The following QPCT variants were observed in gnomAD, a reference collection of about 807,000 sequenced individuals.
QPCT encodes glutaminyl-peptide cyclotransferase.
A neutral mutation model predicts 43.4 loss-of-function variants in QPCT; 44 were observed. The observed-to-expected ratio is 1.01, with a 90% confidence interval of 0.80 to 1.30. The LOEUF (loss-of-function observed/expected upper bound fraction) is 1.30, where lower values mean the gene tolerates loss of function less well. Ranked by LOEUF, QPCT falls within the 50% of genes most tolerant of loss-of-function variation. The pLI, the probability that QPCT is intolerant of heterozygous loss-of-function variation, is 0.00. For synonymous variants in QPCT, 168 were observed against 168.4 expected (o/e 1.00, Z 0.02); for missense variants, 526 against 436.5 (o/e 1.21, Z -1.83).
intron 2 of QPCT, among the ~76,000 whole-genome samples, chr2:37,358,317 A>T (rs112639387): frequency 5.9e-5 from 9 of 152,164 alleles, no homozygotes; most frequent in Non-Finnish European, 7.3e-5. Flanking sequence ...TGTGTCTGTT[A>T]TTCCAGCTAC....
chr2:37,353,790 A>G lies in QPCT; in HGVS notation c.267+855A>G, dbSNP rs569969963. Among the ~76,000 whole-genome samples, 4 of 152,298 alleles carry G rather than the reference A, an allele frequency of 2.6e-5. No homozygotes were observed. In the East Asian group the frequency reaches 5.8e-4, roughly 22 times the overall value. Reference sequence around the variant, plus strand: ...GACTGGCCCTTCACATCCTCTTCTGAAACTCCTCAGGCAAAAGACCTTGGC... The same window carrying G: ...GACTGGCCCTTCACATCCTCTTCTGGAACTCCTCAGGCAAAAGACCTTGGC... On this transcript the variant is annotated intron_variant, in intron 2 of 6. Transcript: ENST00000338415.
intron 3 of QPCT, 116 bp downstream of exon 3, chr2:37,359,974 C>T (rs1672829904): frequency 9.1e-7 from 1 of 1,104,626 alleles, no homozygotes; most frequent in South Asian, 1.5e-5. Context: ...ACTTTTGGTA[C>T]ATTTTTATTA....
At chr2:37,350,356 A>G (rs1220606098) in intron 1 of QPCT, among the ~76,000 whole-genome samples, 1 of 152,156 alleles carries the variant, frequency 6.6e-6, no homozygotes, top group Non-Finnish European at 1.5e-5. Flanking sequence ...CCCTTCGCAC[A>G]TTTCTATTGC....
intron 4 of QPCT, chr2:37,368,435 G>T: frequency 3.0e-6 from 1 of 337,654 alleles, no homozygotes; most frequent in South Asian, 2.2e-5. Context: ...GACTTCACTA[G>T]CCCCGGTGCC....
intron 1 of QPCT, among the ~76,000 whole-genome samples, chr2:37,349,317 G>T (rs1410954335): frequency 2.6e-5 from 4 of 152,190 alleles, no homozygotes; most frequent in Admixed American, 2.0e-4. Context: ...AATAGGCCTG[G>T]CCTGTCTGCT....
At chr2:37,351,468 G>A (rs964593452) in intron 1 of QPCT, among the ~76,000 whole-genome samples, 2 of 152,176 alleles carry the variant, frequency 1.3e-5, no homozygotes, top group African/African-American at 4.8e-5. Context: ...GAACTTTAAT[G>A]CAATTTAAAA....
intron 4 of QPCT, chr2:37,368,670 C>A: frequency 2.1e-6 from 1 of 471,160 alleles, no homozygotes; most frequent in South Asian, 1.5e-5. Flanking sequence ...GTCAGCATAT[C>A]ATTCATTCAC....
At chr2:37,368,664 G>T (rs748086938) in intron 4 of QPCT, 7 of 471,034 alleles carry the variant, frequency 1.5e-5, no homozygotes, top group Non-Finnish European at 3.1e-5. Flanking sequence ...AATGTGGTCA[G>T]CATATCATTC....
chr2:37,351,533 A>C (rs1672625894), intron 1 of QPCT, among the ~76,000 whole-genome samples: 1 of 152,258 alleles, frequency 6.6e-6, no homozygotes, highest in Non-Finnish European at 1.5e-5. Context: ...AGATTCACCA[A>C]GCTCAGGCTG....
At chr2:37,348,863 T>G (rs1027145693) in intron 1 of QPCT, among the ~76,000 whole-genome samples, 4 of 152,178 alleles carry the variant, frequency 2.6e-5, no homozygotes, top group African/African-American at 7.2e-5. Flanking sequence ...AAACCTACAA[T>G]AAATTGGGGT....
chr2:37,347,251 A>G (rs1041897775), intron 1 of QPCT, among the ~76,000 whole-genome samples: 4 of 131,682 alleles, frequency 3.0e-5, no homozygotes, highest in Non-Finnish European at 4.7e-5. Flanking sequence ...TATATAACAT[A>G]TATATATATA....
intron 2 of QPCT, among the ~76,000 whole-genome samples, chr2:37,358,438 CAACAAAACAA>C (rs143537953): frequency 6.6e-6 from 1 of 151,242 alleles, no homozygotes; most frequent in East Asian, 1.9e-4. Flanking sequence ...CCCTGTTAAA[CAACAAAACAA>C]AACAAAACAA....
At chr2:37,371,398 C>T (rs562294672) in intron 5 of QPCT, among the ~76,000 whole-genome samples, 18 of 132,482 alleles carry the variant, frequency 1.4e-4, no homozygotes, top group Non-Finnish European at 4.6e-5. Flanking sequence ...GGCGCCACTG[C>T]ACTCCAGCCT....
At chr2:37,363,652 TA>T (rs987192129) in intron 3 of QPCT, among the ~76,000 whole-genome samples, 2 of 118,980 alleles carry the variant, frequency 1.7e-5, no homozygotes, top group African/African-American at 7.3e-5. Flanking sequence ...AATACTTTTT[TA>T]AAATGTAAAA....
At chr2:37,346,856 T>C (rs564422587) in intron 1 of QPCT, among the ~76,000 whole-genome samples, 2 of 152,010 alleles carry the variant, frequency 1.3e-5, no homozygotes, top group African/African-American at 2.4e-5. Context: ...TCATATGATG[T>C]ATGTCTTTGG....
chr2:37,355,842 A>G (rs1672731720), intron 2 of QPCT, among the ~76,000 whole-genome samples: 2 of 152,108 alleles, frequency 1.3e-5, no homozygotes. Flanking sequence ...GCAAACTAGA[A>G]ACTTCAGGGG....
At chr2:37,367,688 A>G (rs965559997) in intron 4 of QPCT, among the ~76,000 whole-genome samples, 7 of 151,996 alleles carry the variant, frequency 4.6e-5, no homozygotes, top group African/African-American at 1.7e-4. Context: ...ACTGGGCAAC[A>G]TAAGGGGACT....
In QPCT at chr2:37,372,476, ATGTG is replaced by A. The variant is rs112031803; in HGVS notation, c.940+20_940+23del. 145 of 1,556,516 alleles carry A rather than the reference ATGTG, an allele frequency of 9.3e-5. No homozygotes were observed. Among genetic ancestry groups the A allele is most frequent in the Middle Eastern group, 3.4e-4 (2 of 5,932 alleles). ...CATATTCCATTTTTAAGAAGAGGTA[ATGTG>A]TGTGTGTGTGTGTGTTTGTGTGTGT... On this transcript the variant is annotated splice_donor_5th_base_variant and intron_variant, in intron 6 of 6. Transcript: ENST00000338415.
At chr2:37,365,176 G>C (rs1200213960) in intron 3 of QPCT, among the ~76,000 whole-genome samples, 1 of 152,032 alleles carries the variant, frequency 6.6e-6, no homozygotes, top group Non-Finnish European at 1.5e-5. Context: ...AGTGTGGACA[G>C]AGAAGAGAAG....
Sources: gnomAD v4.1 joint callset for allele counts (sites outside exome capture counted in the v4.1 genomes callset) on GRCh38, gnomAD v4.1.1 for gene constraint, MANE v1.5 for transcripts, NCBI Gene and HGNC (gene_info 2026-07-23, HGNC 2026-07-21) for gene names.